TPTE: variants seen among roughly 807,000 people sequenced by gnomAD.
The protein encoded by TPTE is putative tyrosine-protein phosphatase TPTE.
Under a neutral mutation model 84.1 loss-of-function variants are expected in TPTE, and 59 were observed. The ratio of observed to expected loss-of-function variants is 0.70; its 90% CI spans 0.57 to 0.87. TPTE has a LOEUF of 0.87. Among genes scored for constraint, TPTE ranks in the 40% least tolerant of loss-of-function variants. The pLI is 0.00. For synonymous variants in TPTE, 130 were observed against 223.5 expected (o/e 0.58, Z 3.73); for missense variants, 382 against 659.6 (o/e 0.58, Z 4.61).
intron 21 of TPTE, among the ~76,000 whole-genome samples, chr21:10,600,999 T>C (rs1978421040): frequency 6.6e-6 from 1 of 152,190 alleles, no homozygotes; most frequent in Non-Finnish European, 1.5e-5. Context: ...CAGACCCCCG[T>C]TGTTATTTTT....
At chr21:10,571,817 A>G (rs948867020) in intron 14 of TPTE, among the ~76,000 whole-genome samples, 1 of 152,226 alleles carries the variant, frequency 6.6e-6, no homozygotes, top group African/African-American at 2.4e-5. Context: ...GACAAGCCTG[A>G]TTAACACGGC....
intron 4 of TPTE, among the ~76,000 whole-genome samples, chr21:10,540,390 G>A (rs1469899958): frequency 1.3e-5 from 2 of 152,308 alleles, no homozygotes. Flanking sequence ...TTGTTTTTTG[G>A]ATGGAGGTAG....
chr21:10,525,509 C>G (rs2074062312), intron 2 of TPTE, among the ~76,000 whole-genome samples: 1 of 152,312 alleles, frequency 6.6e-6, no homozygotes, highest in South Asian at 2.1e-4. Flanking sequence ...TATACTGTGT[C>G]TGCTTGCTAC....
rs1474595829 is a variant in TPTE, at chr21:10,567,600, G to A, written c.447-70G>A. ...CTTAATGGGGATGAGTCAATAGTTTGTGGTCTTTAAATATTCCTATCTCTT... is the reference window on the plus strand; with the variant it reads ...CTTAATGGGGATGAGTCAATAGTTTATGGTCTTTAAATATTCCTATCTCTT... On this transcript the variant is annotated intron_variant, in intron 10 of 23. Coordinates refer to ENST00000618007, the MANE Select transcript of TPTE (RefSeq NM_199261.4). 277 of 1,588,480 alleles carry A rather than the reference G, an allele frequency of 1.7e-4. No homozygotes were observed. The African/African-American group carries it at 3.5e-3, about 20-fold the overall frequency.
At chr21:10,545,758 TATAG>T (rs1275913812) in intron 7 of TPTE, among the ~76,000 whole-genome samples, 2 of 151,774 alleles carry the variant, frequency 1.3e-5, no homozygotes, top group African/African-American at 4.8e-5. Context: ...TGTATATAGA[TATAG>T]ATACACATAT....
chr21:10,574,046 G>A (rs1451764229), intron 14 of TPTE, among the ~76,000 whole-genome samples: 4 of 152,424 alleles, frequency 2.6e-5, no homozygotes, highest in African/African-American at 9.6e-5. Context: ...GTCTACCATA[G>A]GGAAGAAAGA....
intron 3 of TPTE, among the ~76,000 whole-genome samples, chr21:10,534,959 G>A (rs2074242081): frequency 6.6e-6 from 1 of 152,310 alleles, no homozygotes; most frequent in African/African-American, 2.4e-5. Context: ...CAAACCAAGT[G>A]GCTTAAACAA....
At chr21:10,592,853 G>A (rs1309669960) in intron 19 of TPTE, among the ~76,000 whole-genome samples, 13 of 147,782 alleles carry the variant, frequency 8.8e-5, no homozygotes, top group African/African-American at 3.1e-4. Context: ...GTGTTGTGGG[G>A]GAGGTGTATT....
At chr21:10,580,860 A>AT (rs1225151513) in intron 17 of TPTE, among the ~76,000 whole-genome samples, 2 of 152,290 alleles carry the variant, frequency 1.3e-5, no homozygotes, top group African/African-American at 4.8e-5. Flanking sequence ...TGGGGTGAAA[A>AT]TGGGGGAAAA....
At chr21:10,575,573 C>T (rs2135786) in intron 14 of TPTE, among the ~76,000 whole-genome samples, 7 of 151,098 alleles carry the variant, frequency 4.6e-5, no homozygotes, top group Non-Finnish European at 5.9e-5. Flanking sequence ...GTGAGAATGC[C>T]CAACAGGGGT....
At chr21:10,562,191 C>T (rs1206775789) in intron 10 of TPTE, among the ~76,000 whole-genome samples, 1 of 152,310 alleles carries the variant, frequency 6.6e-6, no homozygotes, top group Non-Finnish European at 1.5e-5. Context: ...CTTGGGGTGC[C>T]CCCTAAAGCA....
At chr21:10,538,551 A>G in intron 3 of TPTE, 130 bp from the exon 4 acceptor site, 1 of 1,405,652 alleles carries the variant, frequency 7.1e-7, no homozygotes, top group Non-Finnish European at 9.9e-7. Context: ...TTCAGAACCA[A>G]ATAGTGCTAT....
intron 10 of TPTE, among the ~76,000 whole-genome samples, chr21:10,561,599 A>AC (rs1231096545): frequency 1.9e-3 from 285 of 152,120 alleles, no homozygotes; most frequent in African/African-American, 4.1e-3. Context: ...GTCTGGCAGT[A>AC]CCCCCCCCAT....
intron 21 of TPTE, among the ~76,000 whole-genome samples, chr21:10,601,096 T>C (rs1329056874): frequency 6.6e-6 from 1 of 152,310 alleles, no homozygotes; most frequent in Admixed American, 6.5e-5. Context: ...TCTTAATGTA[T>C]TCTCAAAAAA....
Position 10,521,658 on chromosome 21 carries a change from G to T in TPTE, c.-247G>T. The T allele has an allele frequency of 7.0e-6, 1 of 142,118 alleles. No individual in the cohort carries two copies. The highest frequency in any genetic ancestry group is 1.6e-5 in the Non-Finnish European group (1 of 64,364). 8.8% of individuals were successfully genotyped at this position (142,118 alleles called of 1,614,324 possible). ...GACTCGCTGCGCCCCGGCGGCTCTA[G>T]GGACCCCCGGCGCCTACACTTAGCT... On this transcript the variant is annotated 5_prime_UTR_variant, in exon 1 of 24. The change creates a new upstream start codon in the 5' untranslated region. Coordinates refer to ENST00000618007, the MANE Select transcript of TPTE (RefSeq NM_199261.4).
intron 3 of TPTE, among the ~76,000 whole-genome samples, chr21:10,528,930 T>C (rs1296014805): frequency 5.2e-5 from 8 of 152,420 alleles, no homozygotes; most frequent in African/African-American, 1.9e-4. Flanking sequence ...CTCAAGCCTG[T>C]AATCCCAGCA....
intron 23 of TPTE, among the ~76,000 whole-genome samples, chr21:10,604,243 C>A (rs374405704): frequency 0.022 from 3,229 of 147,264 alleles, no homozygotes; most frequent in South Asian, 0.036. Context: ...CCAAAAAAAC[C>A]TTCTGCCATA....
intron 3 of TPTE, among the ~76,000 whole-genome samples, chr21:10,529,431 G>C (rs1488503333): frequency 2.0e-4 from 31 of 152,300 alleles, no homozygotes; most frequent in Non-Finnish European, 1.2e-4. Flanking sequence ...TGTGAGAGGG[G>C]TGAGTTAACA....
intron 18 of TPTE, among the ~76,000 whole-genome samples, chr21:10,591,017 G>T (rs988416078): frequency 6.6e-6 from 1 of 152,306 alleles, no homozygotes; most frequent in African/African-American, 2.4e-5. Context: ...TTCCTTCCTC[G>T]TGAGAATAGT....
Sources: allele counts gnomAD v4.1 joint callset (sites outside exome capture counted in the v4.1 genomes callset), GRCh38; gene constraint gnomAD v4.1.1; transcripts MANE v1.5; gene names NCBI Gene and HGNC (gene_info 2026-07-23, HGNC 2026-07-21).